Variants in PPP1R16B observed in about 807,000 individuals in gnomAD.
The protein encoded by PPP1R16B is protein phosphatase 1 regulatory subunit 16B, also known as protein phosphatase 1 regulatory inhibitor subunit 16B.
PPP1R16B carries 14 observed loss-of-function variants against 61.7 expected under a neutral mutation model. That is an observed-to-expected ratio of 0.23 (90% CI 0.15 to 0.35). The LOEUF is 0.35. PPP1R16B is among the 10% of genes least tolerant of loss of function. The pLI, the probability that PPP1R16B is intolerant of heterozygous loss-of-function variation, is 1.00. For missense variants in PPP1R16B, 547 were observed against 752.5 expected (o/e 0.73, Z 3.19); for synonymous variants, 266 against 305.3 (o/e 0.87, Z 1.34).
chr20:38,825,458 G>C (rs887103110), intron 1 of PPP1R16B, among the ~76,000 whole-genome samples: 5 of 152,214 alleles, frequency 3.3e-5, no homozygotes, highest in Non-Finnish European at 7.3e-5. Flanking sequence ...TAACAAACCA[G>C]ATAGACCAAT....
intron 1 of PPP1R16B, among the ~76,000 whole-genome samples, chr20:38,818,754 C>CTTT (rs577315309): frequency 7.2e-6 from 1 of 138,266 alleles, no homozygotes. Flanking sequence ...TGATTGTCCT[C>CTTT]TTTTTTTTTT....
At chr20:38,843,466 C>G (rs531542212) in intron 2 of PPP1R16B, among the ~76,000 whole-genome samples, 1 of 152,226 alleles carries the variant, frequency 6.6e-6, no homozygotes, top group African/African-American at 2.4e-5. Context: ...GCCTCAGTTC[C>G]CTGCCATGTG....
In PPP1R16B at chr20:38,906,031, G is replaced by A. The variant is rs372450914; in HGVS notation, c.759G>A (p.Val253=). Residue 253 remains valine, a synonymous_variant, in exon 7 of 11, where the codon GTG becomes GTA. Transcript: ENST00000299824. ...CTGAGCTCCTCCTGGACCATGGAGTGCGTGTGGATGTGAAGGACTGGGATG... is the reference window on the plus strand; with the variant it reads ...CTGAGCTCCTCCTGGACCATGGAGTACGTGTGGATGTGAAGGACTGGGATG... The part of the protein sequence containing the change: ...RAAELLLDHG[V]RVDVKDWDGW... The A allele has an allele frequency of 1.9e-6, 3 of 1,613,628 alleles. No individual in the cohort carries two copies. Among genetic ancestry groups the A allele is most frequent in the South Asian group, 1.1e-5 (1 of 91,086 alleles).
At chr20:38,878,324 A>G (rs2085183055) in intron 2 of PPP1R16B, among the ~76,000 whole-genome samples, 1 of 152,220 alleles carries the variant, frequency 6.6e-6, no homozygotes, top group Admixed American at 6.5e-5. Context: ...AAGCCAAGGC[A>G]GAGACAGGGG....
chr20:38,829,947 A>C (rs1424747624), intron 1 of PPP1R16B, among the ~76,000 whole-genome samples: 2 of 152,246 alleles, frequency 1.3e-5, no homozygotes, highest in Non-Finnish European at 2.9e-5. Flanking sequence ...GGGCCAAGTC[A>C]GAGAAAATAT....
intron 2 of PPP1R16B, among the ~76,000 whole-genome samples, chr20:38,857,914 G>GA (rs2085019224): frequency 6.6e-6 from 1 of 151,760 alleles, no homozygotes; most frequent in Admixed American, 6.6e-5. Flanking sequence ...GAGGCGGCCA[G>GA]AAAAAAAATT....
At chr20:38,869,448 C>T (rs1011074038) in intron 2 of PPP1R16B, among the ~76,000 whole-genome samples, 21 of 152,120 alleles carry the variant, frequency 1.4e-4, no homozygotes, top group East Asian at 3.8e-4. Flanking sequence ...CGTGAGCCAC[C>T]GCGCCTGGCC....
At chr20:38,885,315 T>A (rs753111636) in intron 2 of PPP1R16B, among the ~76,000 whole-genome samples, 1 of 152,152 alleles carries the variant, frequency 6.6e-6, no homozygotes, top group Non-Finnish European at 1.5e-5. Flanking sequence ...AAAGAGCTAA[T>A]CCCTCAGCAG....
intron 3 of PPP1R16B, 47 bp from the exon 4 acceptor site, chr20:38,895,518 G>A: frequency 6.3e-7 from 1 of 1,594,436 alleles, no homozygotes; most frequent in African/African-American, 1.3e-5. Flanking sequence ...AGGGCCCGGG[G>A]CCCAGTGCCC....
At chr20:38,912,498 C>A (rs1167369065) in intron 10 of PPP1R16B, among the ~76,000 whole-genome samples, 4 of 142,512 alleles carry the variant, frequency 2.8e-5, no homozygotes, top group Admixed American at 7.0e-5. Flanking sequence ...ATCTCTACCC[C>A]CCACCAAAAA....
rs538630190 is a variant in PPP1R16B at position 38,806,710 on chromosome 20, C to T, written c.-102+918C>T. On this transcript the variant is annotated intron_variant, in intron 1 of 10. Coordinates refer to ENST00000299824, the MANE Select transcript of PPP1R16B (RefSeq NM_015568.4). This position sits in a 1 kb window ranked among gnomAD's most constrained non-coding sequence, Gnocchi z 4.5. ...TTCCCCCATGTAGACTCCCTTCCTC[C>T]GCTCCCCCACCCCGGCCCGGCCTCC... 6.6e-6 allele frequency among the ~76,000 whole-genome samples: 1 copy of T among 152,304 alleles called. No homozygotes were observed. Among genetic ancestry groups the T allele is most frequent in the African/African-American group, 2.4e-5 (1 of 41,582 alleles).
chr20:38,838,387 C>G (rs2084886379), intron 2 of PPP1R16B: 1 of 152,328 alleles, frequency 6.6e-6, no homozygotes, highest in Non-Finnish European at 1.5e-5. Context: ...CCTTGCTCTT[C>G]AGGTTCTAGA....
intron 1 of PPP1R16B, among the ~76,000 whole-genome samples, chr20:38,814,634 G>T (rs1266738287): frequency 6.6e-6 from 1 of 152,114 alleles, no homozygotes; most frequent in Non-Finnish European, 1.5e-5. Flanking sequence ...GGAAATAGGT[G>T]AGCAAAGCAC....
intron 6 of PPP1R16B, among the ~76,000 whole-genome samples, chr20:38,904,330 T>A (rs2085422506): frequency 6.6e-6 from 1 of 152,204 alleles, no homozygotes; most frequent in African/African-American, 2.4e-5. Flanking sequence ...CCCACCCCCA[T>A]GGGCTGGGCA....
chr20:38,841,458 G>T (rs2084908918), intron 2 of PPP1R16B, among the ~76,000 whole-genome samples: 1 of 151,682 alleles, frequency 6.6e-6, no homozygotes, highest in Non-Finnish European at 1.5e-5. Flanking sequence ...AATCCGGGAG[G>T]TTAAATCTGC....
intron 1 of PPP1R16B, among the ~76,000 whole-genome samples, chr20:38,807,691 A>T (rs1568648274): frequency 6.6e-6 from 1 of 152,092 alleles, no homozygotes; most frequent in Non-Finnish European, 1.5e-5. Context: ...TGCTGGGGGC[A>T]AGATGTCAAC....
At chr20:38,837,760 C>T (rs2084882421) in intron 2 of PPP1R16B, among the ~76,000 whole-genome samples, 1 of 151,984 alleles carries the variant, frequency 6.6e-6, no homozygotes, top group African/African-American at 2.4e-5. Flanking sequence ...GTTGGCCAAC[C>T]TGGTCTTGAA....
intron 10 of PPP1R16B, among the ~76,000 whole-genome samples, chr20:38,910,137 C>T (rs1021472125): frequency 1.3e-5 from 2 of 152,020 alleles, no homozygotes; most frequent in African/African-American, 2.4e-5. Context: ...CGCCACGACG[C>T]CTGGTGGATT....
chr20:38,840,183 G>A (rs1371032036), intron 2 of PPP1R16B, among the ~76,000 whole-genome samples: 1 of 152,186 alleles, frequency 6.6e-6, no homozygotes, highest in Non-Finnish European at 1.5e-5. Context: ...CTTTCAGCAG[G>A]CTGGGAACGG....
Sources: allele counts gnomAD v4.1 joint callset (sites outside exome capture counted in the v4.1 genomes callset), GRCh38; gene constraint gnomAD v4.1.1; non-coding constraint Gnocchi (gnomAD v3.1); transcripts MANE v1.5; gene names NCBI Gene and HGNC (gene_info 2026-07-23, HGNC 2026-07-21).